The following NECAP2 variants were observed in gnomAD, a reference collection of about 807,000 sequenced individuals.
The protein encoded by NECAP2 is adaptin ear-binding coat-associated protein 2.
In NECAP2, 38 loss-of-function variants were observed where a neutral mutation model predicts 37.8. That is an observed-to-expected ratio of 1.01 (90% CI 0.78 to 1.32). NECAP2 has a LOEUF of 1.32. Ranked by LOEUF, NECAP2 falls within the 40% of genes most tolerant of loss-of-function variation. The pLI is 0.00. For synonymous variants in NECAP2, 121 were observed against 127.7 expected, an observed-to-expected ratio of 0.95 and a Z score of 0.35; for missense variants, 316 against 334.5, an observed-to-expected ratio of 0.94 and a Z score of 0.43.
intron 5 of NECAP2, 61 bp downstream of exon 5, chr1:16,449,262 C>A: frequency 2.6e-6 from 3 of 1,137,806 alleles, no homozygotes; most frequent in Non-Finnish European, 3.9e-6. Flanking sequence ...AGCCCCAGAG[C>A]CCATTGCTCT....
At chr1:16,454,411 A>G (rs942879527) in intron 6 of NECAP2, among the ~76,000 whole-genome samples, 1 of 146,856 alleles carries the variant, frequency 6.8e-6, no homozygotes, top group Non-Finnish European at 1.5e-5. Flanking sequence ...GCTGGAGTGC[A>G]GTGGCATGAT....
At chr1:16,458,759 T>C in intron 7 of NECAP2, 83 bp from the exon 8 acceptor site, 3 of 1,439,922 alleles carry the variant, frequency 2.1e-6, no homozygotes, top group Non-Finnish European at 2.9e-6. Context: ...GAGCTTTTTC[T>C]GTCCAGAGAG....
At chr1:16,448,206 C>A in intron 4 of NECAP2, 65 bp downstream of exon 4, 1 of 1,478,880 alleles carries the variant, frequency 6.8e-7, no homozygotes, top group Non-Finnish European at 9.5e-7. Flanking sequence ...AATGATCTCC[C>A]AGGTTAGGAT....
At chr1:16,458,231 C>G (rs1380870822) in intron 7 of NECAP2, among the ~76,000 whole-genome samples, 1 of 152,118 alleles carries the variant, frequency 6.6e-6, no homozygotes, top group Non-Finnish European at 1.5e-5. Context: ...AGATTTGCTT[C>G]AGCCTCAAAG....
At chr1:16,449,344 G>C (rs1030163555) in intron 5 of NECAP2, 143 bp downstream of exon 5, 9 of 613,286 alleles carry the variant, frequency 1.5e-5, no homozygotes, top group African/African-American at 3.7e-5. Context: ...CCTGCATCGG[G>C]GTGAACAAGA....
At chr1:16,447,816 C>A (rs1042122116) in intron 2 of NECAP2, 54 bp from the exon 3 acceptor site, 16 of 1,482,916 alleles carry the variant, frequency 1.1e-5, no homozygotes, top group Non-Finnish European at 1.4e-5. Context: ...TGGTAGAAAA[C>A]CTTGGCTGGA....
chr1:16,453,734 G>A (rs1468313053), intron 6 of NECAP2, among the ~76,000 whole-genome samples: 1 of 152,078 alleles, frequency 6.6e-6, no homozygotes, highest in African/African-American at 2.4e-5. Context: ...TGATCTGCCC[G>A]CCTCAGCCTC....
Position 16,458,892 on chromosome 1 carries a change from C to T in NECAP2, c.*2C>T. 1 of 1,614,118 alleles carries T rather than the reference C, an allele frequency of 6.2e-7. No homozygotes were observed. The highest frequency in any genetic ancestry group is 1.1e-5 in the South Asian group (1 of 91,068). ...GGCACAGGCTGGGTCCAGTTCTGACCTGAGCACGGTTTTTCCTCATGTGAC... is the reference window on the plus strand; with the variant it reads ...GGCACAGGCTGGGTCCAGTTCTGACTTGAGCACGGTTTTTCCTCATGTGAC... On this transcript the variant is annotated 3_prime_UTR_variant, in exon 8 of 8. Transcript: ENST00000337132.
intron 7 of NECAP2, 79 bp from the exon 8 acceptor site, chr1:16,458,763 C>CAG: frequency 6.6e-7 from 1 of 1,507,632 alleles, no homozygotes; most frequent in Non-Finnish European, 9.1e-7. Flanking sequence ...TTTTTCTGTC[C>CAG]AGAGAGAAAC....
chr1:16,441,945 A>G (rs2086695553), intron 1 of NECAP2, among the ~76,000 whole-genome samples: 2 of 151,556 alleles, frequency 1.3e-5, no homozygotes, highest in Non-Finnish European at 2.9e-5. Context: ...CCATCAAACC[A>G]TTGATGGTCG....
intron 4 of NECAP2, 27 bp from the exon 5 acceptor site, chr1:16,449,066 A>C: frequency 2.0e-6 from 3 of 1,523,956 alleles, no homozygotes; most frequent in Non-Finnish European, 2.7e-6. Context: ...TTCCTTCCTC[A>C]CCTTTTTCCT....
chr1:16,454,777 A>G (rs1209308271), intron 6 of NECAP2, among the ~76,000 whole-genome samples: 2 of 152,258 alleles, frequency 1.3e-5, no homozygotes, highest in Non-Finnish European at 2.9e-5. Flanking sequence ...TGATTTATGT[A>G]TAGCACTTAG....
In NECAP2 at chr1:16,451,955, C is replaced by A. The variant is rs776233410; in HGVS notation, c.607C>A (p.Pro203Thr). Residue 203 changes from proline to threonine, a missense_variant, in exon 6 of 8, where the codon CCT (proline) becomes ACT (threonine). Physicochemically the swap from Pro to Thr is conservative, Grantham distance 38. Coordinates refer to ENST00000337132, the MANE Select transcript of NECAP2 (RefSeq NM_018090.5). ...GGKTSTLIPP[P>T]GEQLAVGGSL... ...GAAAACCTCCACCCTGATCCCTCCC[C>A]CTGGGGAGCAGTTGGCTGTGGGGGG... 7 of 1,612,438 alleles carry A rather than the reference C, an allele frequency of 4.3e-6. No individual in the cohort carries two copies. The highest frequency in any genetic ancestry group is 2.2e-5 in the South Asian group (2 of 91,002).
intron 6 of NECAP2, among the ~76,000 whole-genome samples, chr1:16,454,529 T>C (rs562013985): frequency 1.3e-4 from 19 of 151,712 alleles, no homozygotes; most frequent in African/African-American, 3.6e-4. Context: ...CTAATTTTTG[T>C]AATTTTAGTA....
intron 2 of NECAP2, among the ~76,000 whole-genome samples, chr1:16,447,276 G>A (rs114858814): frequency 0.053 from 7,779 of 146,842 alleles, 298 homozygotes; most frequent in Non-Finnish European, 0.078. Flanking sequence ...CCGCACTGTC[G>A]AGTGCTGTAG....
At chr1:16,452,126 A>T in intron 6 of NECAP2, 111 bp downstream of exon 6, 1 of 1,112,686 alleles carries the variant, frequency 9.0e-7, no homozygotes, top group Middle Eastern at 3.1e-4. Flanking sequence ...GTCATGTAGT[A>T]CCTGTCCGTG....
At chr1:16,456,014 GTTTTC>G (rs1465274372) in intron 7 of NECAP2, 121 bp downstream of exon 7, 55 of 563,740 alleles carry the variant, frequency 9.8e-5, no homozygotes, top group African/African-American at 9.6e-4. Context: ...TAATTTGGAT[GTTTTC>G]TTTTCTTTTT....
chr1:16,457,024 T>A (rs1382363392), intron 7 of NECAP2, among the ~76,000 whole-genome samples: 1 of 152,204 alleles, frequency 6.6e-6, no homozygotes, highest in African/African-American at 2.4e-5. Flanking sequence ...AAGGACTAGA[T>A]AGCAAATAGT....
intron 5 of NECAP2, chr1:16,450,367 G>T: frequency 3.1e-6 from 1 of 323,150 alleles, no homozygotes; most frequent in Non-Finnish European, 6.1e-6. Context: ...TGGAGGCTTA[G>T]GGAGGGTTGG....
Sources: gnomAD v4.1 joint callset for allele counts (sites outside exome capture counted in the v4.1 genomes callset) on GRCh38, gnomAD v4.1.1 for gene constraint, MANE v1.5 for transcripts, NCBI Gene and HGNC (gene_info 2026-07-23, HGNC 2026-07-21) for gene names.